The following NPHP4 variants were observed in gnomAD, a reference collection of about 807,000 sequenced individuals.
NPHP4 encodes the protein nephrocystin-4.
NPHP4 carries 151 observed loss-of-function variants against 155.8 expected under a neutral mutation model. The ratio of observed to expected loss-of-function variants is 0.97; its 90% confidence interval spans 0.85 to 1.11. The LOEUF (loss-of-function observed/expected upper bound fraction) is 1.11. Ranked by LOEUF, NPHP4 falls within the 50% of genes least tolerant of loss-of-function variation. The pLI is 0.00. For missense variants in NPHP4, 1,956 were observed against 1,925.7 expected, an observed-to-expected ratio of 1.02 and a Z score of -0.29; for synonymous variants, 845 against 816.8, an observed-to-expected ratio of 1.03 and a Z score of -0.59.
intron 10 of NPHP4, among the ~76,000 whole-genome samples, chr1:5,930,747 T>C (rs1258210369): frequency 1.3e-5 from 2 of 152,340 alleles, no homozygotes; most frequent in Non-Finnish European, 2.9e-5. Context: ...ATCCTGCTGT[T>C]GTTGGGGAGA....
At chr1:5,981,547 A>T (rs773564502) in intron 2 of NPHP4, among the ~76,000 whole-genome samples, 7 of 152,364 alleles carry the variant, frequency 4.6e-5, no homozygotes, top group Middle Eastern at 3.4e-3. Context: ...AATTCAAAAC[A>T]AGCATGTAAT....
chr1:5,883,895 A>C (rs1412141538), intron 18 of NPHP4, among the ~76,000 whole-genome samples: 1 of 152,156 alleles, frequency 6.6e-6, no homozygotes, highest in Non-Finnish European at 1.5e-5. Context: ...GGCGACCAGC[A>C]TTCTTGGAGC....
chr1:5,912,551 A>C (rs555597469), intron 11 of NPHP4, among the ~76,000 whole-genome samples: 1 of 100,812 alleles, frequency 9.9e-6, no homozygotes, highest in African/African-American at 4.9e-5. Context: ...AAAAAAAAAA[A>C]AAAAGAAAAA....
In NPHP4 at chr1:5,974,154, C is replaced by T. The variant is rs996480357; in HGVS notation, c.279+4116G>A. On this transcript the variant is annotated intron_variant, in intron 3 of 29. Transcript: ENST00000378156. ...AATTATAGCACGCTCATTGCTCTGACGAGTAAGAGCCGCTCAAGAGGGGCT... is the reference window on the plus strand; with the variant it reads ...AATTATAGCACGCTCATTGCTCTGATGAGTAAGAGCCGCTCAAGAGGGGCT... Among the ~76,000 whole-genome samples, 6 of 152,218 alleles carry T rather than the reference C, an allele frequency of 3.9e-5. No individual in the cohort carries two copies. The South Asian group carries it at 6.2e-4, about 16-fold the overall frequency.
intron 17 of NPHP4, chr1:5,888,260 C>A: frequency 1.2e-6 from 1 of 862,370 alleles, no homozygotes; most frequent in South Asian, 5.3e-5. Flanking sequence ...AACGCCAACA[C>A]TGTGAGGCAT....
intron 17 of NPHP4, chr1:5,888,523 C>A: frequency 7.7e-7 from 1 of 1,300,464 alleles, no homozygotes; most frequent in Non-Finnish European, 1.0e-6. Context: ...CTTTGCCACA[C>A]TCGTCTACAC....
intron 16 of NPHP4, among the ~76,000 whole-genome samples, chr1:5,895,050 G>A (rs1255037217): frequency 6.6e-6 from 1 of 152,086 alleles, no homozygotes; most frequent in Non-Finnish European, 1.5e-5. Flanking sequence ...GGATGAAGCT[G>A]GAAACCATCA....
At chr1:5,866,206 T>C (rs1269639433) in intron 26 of NPHP4, 167 bp downstream of exon 26, 10 of 674,548 alleles carry the variant, frequency 1.5e-5, no homozygotes, top group Non-Finnish European at 2.7e-5. Context: ...CCTAGACCCC[T>C]GCGGGCCCTG....
intron 5 of NPHP4, among the ~76,000 whole-genome samples, chr1:5,963,148 C>T (rs958933306): frequency 2.0e-5 from 3 of 152,206 alleles, no homozygotes; most frequent in Non-Finnish European, 2.9e-5. Context: ...TGGGGGCTCA[C>T]GCCCATAATT....
chr1:5,899,948 A>G (rs1013707740), intron 16 of NPHP4, among the ~76,000 whole-genome samples: 2 of 152,236 alleles, frequency 1.3e-5, no homozygotes, highest in Non-Finnish European at 2.9e-5. Context: ...GACAGCAAAT[A>G]AGCACATGAG....
In NPHP4 at chr1:5,961,908, A is replaced by G. The variant is rs1027187670; in HGVS notation, c.559T>C (p.Tyr187His). ...AGGGCCGGGTGTGGCTTCAGCGTGT[A>G]CTGCAGGCTGCAGTTCTCAATGAGG... Reference protein sequence around the residue: ...MTLIENCSLQYTLKPHPALEP... With the variant: ...MTLIENCSLQHTLKPHPALEP... Residue 187 changes from tyrosine (Y) to histidine (H), a missense_variant, in exon 6 of 30, where the codon TAC (tyrosine) becomes CAC (histidine). Coordinates refer to ENST00000378156, the MANE Select transcript of NPHP4 (RefSeq NM_015102.5). 22 of 1,612,718 alleles carry G rather than the reference A, an allele frequency of 1.4e-5. No individual in the cohort carries two copies. Among genetic ancestry groups the G allele is most frequent in the Non-Finnish European group, 1.7e-5 (20 of 1,178,916 alleles).
chr1:5,909,152 C>T lies in NPHP4; in HGVS notation c.1503G>A (p.Gly501=). The change falls in exon 12 of 30, where the codon GGG becomes GGA. Residue 501 remains glycine (G), a splice_region_variant and synonymous_variant. Transcript: ENST00000378156. The part of the protein sequence containing the change: ...AAPQNSPVGP[G]LSISQLAASP... ...GAGGCCGTGGGGGGCCTGGACTTAC[C>T]CCTGGTCCCACAGGTGAGTTCTGCG... 1 of 1,596,474 alleles carries T rather than the reference C, an allele frequency of 6.3e-7. No individual in the cohort carries two copies. The highest frequency in any genetic ancestry group is 8.5e-7 in the Non-Finnish European group (1 of 1,171,492).
chr1:5,940,247 A>T (rs1261038452), intron 9 of NPHP4, among the ~76,000 whole-genome samples: 1 of 152,152 alleles, frequency 6.6e-6, no homozygotes, highest in Non-Finnish European at 1.5e-5. Context: ...GGCCTCTTCT[A>T]CAAGGACGAG....
chr1:5,967,730 A>G (rs1651794456), intron 4 of NPHP4, among the ~76,000 whole-genome samples: 1 of 152,172 alleles, frequency 6.6e-6, no homozygotes, highest in African/African-American at 2.4e-5. Flanking sequence ...TCCCTAAGGC[A>G]CATTTGGCAA....
At chr1:5,925,362 TACC>T (rs991409547) in intron 11 of NPHP4, among the ~76,000 whole-genome samples, 11 of 152,144 alleles carry the variant, frequency 7.2e-5, no homozygotes, top group African/African-American at 2.4e-4. Flanking sequence ...TACAGGCAAA[TACC>T]ACACCATTTT....
At chr1:5,880,497 G>A (rs140323155) in intron 18 of NPHP4, 27 of 479,046 alleles carry the variant, frequency 5.6e-5, no homozygotes, top group Middle Eastern at 1.2e-3. Flanking sequence ...GAATGAAAGC[G>A]TGTGGCACTC....
chr1:5,939,865 G>GC (rs1166785929), intron 9 of NPHP4, among the ~76,000 whole-genome samples: 1 of 152,184 alleles, frequency 6.6e-6, no homozygotes, highest in African/African-American at 2.4e-5. Flanking sequence ...CGGGCCACCA[G>GC]CAGGGAAAAA....
At chr1:5,932,579 C>G (rs1244613499) in intron 10 of NPHP4, among the ~76,000 whole-genome samples, 1 of 152,004 alleles carries the variant, frequency 6.6e-6, no homozygotes, top group Non-Finnish European at 1.5e-5. Flanking sequence ...GGGATGAGAC[C>G]CTCATACACA....
At chr1:5,940,120 A>G (rs890789116) in intron 9 of NPHP4, among the ~76,000 whole-genome samples, 4 of 152,200 alleles carry the variant, frequency 2.6e-5, no homozygotes, top group Non-Finnish European at 5.9e-5. Context: ...TGTCCCCCAA[A>G]AGGCATGTGT....
Sources: allele counts gnomAD v4.1 joint callset (sites outside exome capture counted in the v4.1 genomes callset), GRCh38; gene constraint gnomAD v4.1.1; transcripts MANE v1.5; gene names NCBI Gene and HGNC (gene_info 2026-07-23, HGNC 2026-07-21).